HMGXB4: variants seen among roughly 807,000 people sequenced by gnomAD.
The protein encoded by HMGXB4 is HMG domain-containing protein 4.
HMGXB4 carries 27 observed loss-of-function variants against 63.9 expected under a neutral mutation model. The ratio of observed to expected loss-of-function variants is 0.42; its 90% CI spans 0.31 to 0.58. The LOEUF is 0.58. Ranked by LOEUF, HMGXB4 falls within the 20% of genes least tolerant of loss-of-function variation. The probability of loss-of-function intolerance (pLI) is 0.13; values close to 1 mark genes in which losing one functional copy is unlikely to be tolerated. For synonymous variants in HMGXB4, 264 were observed against 265.3 expected (o/e 0.99, Z 0.05); for missense variants, 624 against 700.7 (o/e 0.89, Z 1.24).
upstream of HMGXB4, among the ~76,000 whole-genome samples, chr22:35,253,144 A>AAAAAAAAAAAAG (rs11282400): frequency 3.2e-5 from 4 of 125,376 alleles, no homozygotes; most frequent in Admixed American, 3.5e-4. Flanking sequence ...AAAAAAAAAA[A>AAAAAAAAAAAAG]AAAAAAGAAA....
chr22:35,247,079 T>C, the HMGXB4 span, among the ~76,000 whole-genome samples: 1 of 152,236 alleles, frequency 6.6e-6, no homozygotes, highest in Non-Finnish European at 1.5e-5. Context: ...ATTTTCCTGC[T>C]TTTTTTCCAT....
the HMGXB4 span, among the ~76,000 whole-genome samples, chr22:35,244,265 T>C: frequency 6.6e-6 from 1 of 151,114 alleles, no homozygotes; most frequent in African/African-American, 2.4e-5. Flanking sequence ...TTTTTTCTAT[T>C]GTTCATATTG....
At position 35,294,558 on chromosome 22, in the gene HMGXB4, TAC is replaced by T. The variant is rs1193971456; in HGVS notation, c.*911_*912del. The T allele has an allele frequency of 3.3e-5, 5 of 152,768 alleles. No individual in the cohort carries two copies. In the South Asian group the frequency reaches 6.2e-4, roughly 19 times the overall value. The allele number at this position is 152,768 out of a possible 1,614,324, so 9.5% of individuals were successfully genotyped here. A position where few individuals can be genotyped will look rare whatever the true frequency, so the allele number is the denominator to read the frequency against. ...CTTATCAGTTCCCCTGGTGGGCAGA[TAC>T]ACAGTGTTCTGCATTCCACATGTAA... On this transcript the variant is annotated 3_prime_UTR_variant, in exon 11 of 11. Transcript: ENST00000216106.
chr22:35,268,323 C>T (rs1465232270), intron 5 of HMGXB4, among the ~76,000 whole-genome samples: 3 of 152,204 alleles, frequency 2.0e-5, no homozygotes, highest in Non-Finnish European at 4.4e-5. Context: ...CTACTCCCCT[C>T]CAACTATTTC....
chr22:35,265,826 G>A (rs1038355085), intron 5 of HMGXB4, among the ~76,000 whole-genome samples: 2 of 148,636 alleles, frequency 1.3e-5, no homozygotes, highest in African/African-American at 2.5e-5. Flanking sequence ...TCGCTCTGTC[G>A]CCCAGGCTGG....
chr22:35,287,337 G>C lies in HMGXB4; in HGVS notation c.1363-10G>C, dbSNP rs1317998120. On this transcript the variant is annotated splice_polypyrimidine_tract_variant and intron_variant, in intron 7 of 10. Transcript: ENST00000216106. ...TTAATTTAATTTAATGTTCACTGAT[G>C]TGATTGCAGATTTGGAAGCAAAAAG... The C allele has an allele frequency of 6.3e-7, 1 of 1,596,138 alleles. No individual in the cohort carries two copies. The highest frequency in any genetic ancestry group is 2.2e-5 in the East Asian group (1 of 44,638).
chr22:35,274,457 T>G (rs1483404601), intron 5 of HMGXB4, among the ~76,000 whole-genome samples: 2 of 152,172 alleles, frequency 1.3e-5, no homozygotes, highest in Non-Finnish European at 2.9e-5. Context: ...CAAAGCACAA[T>G]CCTAACAGCT....
At position 35,265,609 on chromosome 22, in the gene HMGXB4, G is replaced by A. The variant is rs1338201847; in HGVS notation, c.1215+6G>A. On this transcript the variant is annotated splice_donor_region_variant and intron_variant, in intron 5 of 10. Transcript: ENST00000216106. ...AGAGAGAGAGAGGAGAAAAGGTAAA[G>A]CATCTTTTAAGTGTGGTGGGGGTAA... 3 of 1,554,794 alleles carry A rather than the reference G, an allele frequency of 1.9e-6. No individual in the cohort carries two copies. Among genetic ancestry groups the A allele is most frequent in the Admixed American group, 2.0e-5 (1 of 48,918 alleles).
intron 5 of HMGXB4, among the ~76,000 whole-genome samples, chr22:35,276,599 A>G (rs982595650): frequency 2.6e-5 from 4 of 152,104 alleles, no homozygotes; most frequent in African/African-American, 7.2e-5. Context: ...GAGGGTGTGT[A>G]TGTGTTTGGG....
the HMGXB4 span, among the ~76,000 whole-genome samples, chr22:35,248,825 C>T: frequency 2.6e-5 from 4 of 152,104 alleles, no homozygotes; most frequent in South Asian, 2.1e-4. Flanking sequence ...CAGTCACTTC[C>T]CACCGGGCCC....
chr22:35,270,463 T>C (rs951227069), intron 5 of HMGXB4, among the ~76,000 whole-genome samples: 6 of 152,178 alleles, frequency 3.9e-5, no homozygotes, highest in Admixed American at 1.3e-4. Context: ...ATAAAAGGCA[T>C]AATGTAATGA....
chr22:35,244,848 C>T, the HMGXB4 span, among the ~76,000 whole-genome samples: 12 of 152,256 alleles, frequency 7.9e-5, no homozygotes, highest in East Asian at 1.9e-4. Context: ...AGTATACTCT[C>T]GTAACAAAAC....
chr22:35,286,131 G>A (rs1924563688), intron 7 of HMGXB4, 70 bp downstream of exon 7: 4 of 1,093,744 alleles, frequency 3.7e-6, no homozygotes, highest in Admixed American at 2.2e-5. Context: ...TTCTTCCATA[G>A]ACTAGCCAGC....
At chr22:35,292,965 C>G (rs1233488836) in intron 9 of HMGXB4, 27 bp from the exon 10 acceptor site, 17 of 1,613,996 alleles carry the variant, frequency 1.1e-5, no homozygotes, top group Non-Finnish European at 1.4e-5. Flanking sequence ...GAGTGTGACT[C>G]AAGCAACAAC....
chr22:35,256,266 G>T (rs1922397786), upstream of HMGXB4, among the ~76,000 whole-genome samples: 2 of 152,140 alleles, frequency 1.3e-5, no homozygotes, highest in Non-Finnish European at 2.9e-5. Context: ...AATACACTAG[G>T]ACAGAGGTTC....
chr22:35,284,329 T>C (rs1924439733), intron 6 of HMGXB4, among the ~76,000 whole-genome samples: 1 of 152,274 alleles, frequency 6.6e-6, no homozygotes, highest in African/African-American at 2.4e-5. Context: ...ATTCTACAAT[T>C]GGCCTTTTCC....
the HMGXB4 span, among the ~76,000 whole-genome samples, chr22:35,241,749 G>T: frequency 1.3e-5 from 2 of 152,208 alleles, no homozygotes; most frequent in African/African-American, 4.8e-5. Flanking sequence ...TCCCACTTCT[G>T]CAGTTGGGGC....
chr22:35,289,252 A>C (rs1460764241), intron 9 of HMGXB4, among the ~76,000 whole-genome samples: 2 of 152,044 alleles, frequency 1.3e-5, no homozygotes, highest in Non-Finnish European at 2.9e-5. Context: ...TGAGGCCAGG[A>C]GTTGGAGAGC....
chr22:35,251,956 T>C, the HMGXB4 span, among the ~76,000 whole-genome samples: 4 of 152,234 alleles, frequency 2.6e-5, no homozygotes, highest in East Asian at 7.7e-4. Flanking sequence ...GGCTCATTCC[T>C]GTAATCCCAG....
Sources: gnomAD v4.1 joint callset for allele counts (sites outside exome capture counted in the v4.1 genomes callset) on GRCh38, gnomAD v4.1.1 for gene constraint, MANE v1.5 for transcripts, NCBI Gene and HGNC (gene_info 2026-07-23, HGNC 2026-07-21) for gene names.